Variants in MRPS11 observed in about 807,000 individuals in gnomAD.
MRPS11 encodes the protein small ribosomal subunit protein uS11m.
A neutral mutation model predicts 24.3 loss-of-function variants in MRPS11; 27 were observed. The ratio of observed to expected loss-of-function variants is 1.11; its 90% confidence interval spans 0.82 to 1.53. MRPS11 has a LOEUF of 1.53. Ranked by LOEUF, MRPS11 falls within the 40% of genes most tolerant of loss-of-function variation. The pLI is 0.00. For missense variants in MRPS11, 277 were observed against 256.5 expected (o/e 1.08, Z -0.55); for synonymous variants, 104 against 98.7 (o/e 1.05, Z -0.32).
At chr15:88,476,889 T>C in intron 4 of MRPS11, 100 bp from the exon 5 acceptor site, 3 of 1,223,840 alleles carry the variant, frequency 2.5e-6, no homozygotes, top group Non-Finnish European at 3.5e-6. Context: ...TGGATGCCCT[T>C]TCCCTGAGCT....
rs1230767838 is a variant in MRPS11 at position 88,475,141 on chromosome 15, G to A, written c.313G>A (p.Glu105Lys). The stretch of plus-strand genomic sequence containing the variant: ...GATCCAGGTAGTCTCTGCTAGTAAT[G>A]AGCCCCTTGCCTTTGCTTCCTGTGG... ...TQIQVVSASNEPLAFASCGTE... is the reference protein window; with the variant it reads ...TQIQVVSASNKPLAFASCGTE... The change falls in exon 4 of 6, where the codon GAG becomes AAG. Residue 105 changes from glutamate (E) to lysine (K), a missense_variant. Glu to Lys is a moderately conservative substitution (Grantham distance 56, BLOSUM62 1). Transcript: ENST00000325844. This position sits in a 1 kb window ranked among gnomAD's most constrained non-coding sequence, Gnocchi z 4.1. 8.1e-6 allele frequency: 13 copies of A among 1,614,204 alleles called. No homozygotes were observed. The highest frequency in any genetic ancestry group is 1.1e-5 in the Non-Finnish European group (13 of 1,180,040).
In MRPS11 at chr15:88,472,700, G is replaced by C. The variant is rs2055740382; in HGVS notation, c.256G>C (p.Ala86Pro). 2 of 1,613,782 alleles carry C rather than the reference G, an allele frequency of 1.2e-6. No homozygotes were observed. Among genetic ancestry groups the C allele is most frequent in the Non-Finnish European group, 1.7e-6 (2 of 1,179,872 alleles). Residue 86 changes from alanine to proline, a missense_variant, in exon 3 of 6, where the codon GCA (alanine) becomes CCA (proline). Transcript: ENST00000325844. Reference sequence around the variant, plus strand: ...AAAGAAATTTGAGGAGATCCCAATTGCACACATTAAAGCATCCCACAACAA... The same window carrying C: ...AAAGAAATTTGAGGAGATCCCAATTCCACACATTAAAGCATCCCACAACAA... ...AGKKFEEIPI[A>P]HIKASHNNTQ...
chr15:88,474,777 C>G (rs1342214583), intron 3 of MRPS11, among the ~76,000 whole-genome samples: 2 of 152,156 alleles, frequency 1.3e-5, no homozygotes, highest in Non-Finnish European at 2.9e-5. Flanking sequence ...ATGAGTCCAT[C>G]AGATTTCTTA....
At chr15:88,471,761 G>A (rs566411383) in intron 2 of MRPS11, among the ~76,000 whole-genome samples, 170 of 152,338 alleles carry the variant, frequency 1.1e-3, no homozygotes, top group Non-Finnish European at 3.1e-4. Context: ...ATAGCCAGAA[G>A]ACAGCTTGGA....
At position 88,472,619 on chromosome 15, in the gene MRPS11, A is replaced by G. The variant is rs776038869; in HGVS notation, c.183-8A>G. 1 of 1,605,184 alleles carries G rather than the reference A, an allele frequency of 6.2e-7. No individual in the cohort carries two copies. Among genetic ancestry groups the G allele is most frequent in the Non-Finnish European group, 8.5e-7 (1 of 1,173,862 alleles). On this transcript the variant is annotated splice_polypyrimidine_tract_variant and splice_region_variant and intron_variant, in intron 2 of 5. Transcript: ENST00000325844. ...CAATTTTAAATAAAATCTTTCTTCT[A>G]ATTGCAGCATTTACCCTCCCATTCC...
At chr15:88,472,466 C>T in intron 2 of MRPS11, 161 bp from the exon 3 acceptor site, 2 of 597,082 alleles carry the variant, frequency 3.3e-6, no homozygotes, top group Non-Finnish European at 6.0e-6. Flanking sequence ...AGCAGTCACA[C>T]ATGCGGTGGT....
chr15:88,469,218 G>C lies in MRPS11; in HGVS notation c.182+1194G>C, dbSNP rs1462046984. On this transcript the variant is annotated intron_variant, in intron 2 of 5. Transcript: ENST00000325844. The surrounding 1 kb of genome is among the most constrained non-coding windows in gnomAD (Gnocchi z 4.4). ...CAGGTGTGTATGTGATGGCAGATGAGGCCAACAAGACAAGAAGGCATCAGA... is the reference window on the plus strand; with the variant it reads ...CAGGTGTGTATGTGATGGCAGATGACGCCAACAAGACAAGAAGGCATCAGA... 1.3e-5 allele frequency: 2 copies of C among 152,120 alleles called. No homozygotes were observed. Among genetic ancestry groups the C allele is most frequent in the Non-Finnish European group, 2.9e-5 (2 of 68,022 alleles). The allele number at this position is 152,120 out of a possible 1,614,324, so 9.4% of individuals were successfully genotyped here.
chr15:88,474,957 T>C lies in MRPS11; in HGVS notation c.282-153T>C, dbSNP rs1049762561. On this transcript the variant is annotated intron_variant, in intron 3 of 5. Transcript: ENST00000325844. ...TTCTGACCTTTCCTGATACTTCCTG[T>C]AGGAGTTCAAAACATGTTCATCTGA... The C allele has an allele frequency of 6.0e-6, 5 of 828,704 alleles. No individual in the cohort carries two copies. The African/African-American group carries it at 8.6e-5, about 14-fold the overall frequency. The allele number at this position is 828,704 out of a possible 1,614,324, so 51.3% of individuals were successfully genotyped here. A position where few individuals can be genotyped will look rare whatever the true frequency, so the allele number is the denominator to read the frequency against.
rs1008845433 is a variant in MRPS11 at position 88,477,703 on chromosome 15, C to T, written c.478-169C>T. ...CTGGTTAAAGGGTTTGGGTGGAGACCTTTGTGAGAGTAGAATAGGATTGGG... is the reference window on the plus strand; with the variant it reads ...CTGGTTAAAGGGTTTGGGTGGAGACTTTTGTGAGAGTAGAATAGGATTGGG... On this transcript the variant is annotated intron_variant, in intron 5 of 5. Coordinates refer to ENST00000325844, the MANE Select transcript of MRPS11 (RefSeq NM_022839.5). The surrounding 1 kb of genome is among the most constrained non-coding windows in gnomAD (Gnocchi z 5.7). Among the ~76,000 whole-genome samples, 1 of 152,112 alleles carries T rather than the reference C, an allele frequency of 6.6e-6. No individual in the cohort carries two copies. Among genetic ancestry groups the T allele is most frequent in the African/African-American group, 2.4e-5 (1 of 41,408 alleles).
chr15:88,468,298 GTTCTT>G (rs2055599241), intron 2 of MRPS11: 4 of 1,231,622 alleles, frequency 3.2e-6, no homozygotes, highest in Middle Eastern at 3.4e-4. Context: ...ATGTATCAGC[GTTCTT>G]TTCTTCTGAG....
At chr15:88,471,365 C>T (rs980424945) in intron 2 of MRPS11, among the ~76,000 whole-genome samples, 1 of 152,054 alleles carries the variant, frequency 6.6e-6, no homozygotes, top group East Asian at 1.9e-4. Context: ...AGGGCTGGGG[C>T]GAGAGTAGTC....
intron 3 of MRPS11, among the ~76,000 whole-genome samples, chr15:88,473,979 C>T (rs1338132891): frequency 6.6e-6 from 1 of 152,164 alleles, no homozygotes; most frequent in Non-Finnish European, 1.5e-5. Context: ...GAATTTAAGA[C>T]CAGCCTGGGC....
At position 88,469,510 on chromosome 15, in the gene MRPS11, G is replaced by T. The variant is rs1269028953; in HGVS notation, c.182+1486G>T. 1.3e-5 allele frequency among the ~76,000 whole-genome samples: 2 copies of T among 152,208 alleles called. No individual in the cohort carries two copies. The highest frequency in any genetic ancestry group is 1.3e-4 in the Admixed American group (2 of 15,290). ...TAACGGTTGGAAAGGGGAAGTGGGG[G>T]TCAAGCAGGCCTGCATAGCCACATT... On this transcript the variant is annotated intron_variant, in intron 2 of 5. Transcript: ENST00000325844. The surrounding 1 kb of genome is among the most constrained non-coding windows in gnomAD (Gnocchi z 4.4).
chr15:88,468,973 G>C lies in MRPS11; in HGVS notation c.182+949G>C, dbSNP rs1021459537. The C allele has an allele frequency of 2.7e-5, 4 of 148,618 alleles. No homozygotes were observed. The Admixed American group carries it at 2.7e-4, about 10-fold the overall frequency. The allele number at this position is 148,618 out of a possible 1,614,324, so 9.2% of individuals were successfully genotyped here. On this transcript the variant is annotated intron_variant, in intron 2 of 5. Coordinates refer to ENST00000325844, the MANE Select transcript of MRPS11 (RefSeq NM_022839.5). ...TGCAGTGAGCCAAGATCACGCCACT[G>C]TACTCCAGCCTGGGTGACAGATTGA...
At chr15:88,476,890 T>G (rs2055833210) in intron 4 of MRPS11, 99 bp from the exon 5 acceptor site, 1 of 1,232,338 alleles carries the variant, frequency 8.1e-7, no homozygotes, top group Admixed American at 2.0e-5. Flanking sequence ...GGATGCCCTT[T>G]CCCTGAGCTC....
In MRPS11 at chr15:88,478,949, A is replaced by C. The variant is rs1283651953; in HGVS notation, c.*970A>C. 1 of 152,134 alleles carries C rather than the reference A, an allele frequency of 6.6e-6. No homozygotes were observed. Among genetic ancestry groups the C allele is most frequent in the African/African-American group, 2.4e-5 (1 of 41,426 alleles). The allele number at this position is 152,134 out of a possible 1,614,324, so 9.4% of individuals were successfully genotyped here. On this transcript the variant is annotated 3_prime_UTR_variant, in exon 6 of 6. Coordinates refer to ENST00000325844, the MANE Select transcript of MRPS11 (RefSeq NM_022839.5). This position sits in a 1 kb window ranked among gnomAD's most constrained non-coding sequence, Gnocchi z 4.7. ...GGCTGCAGTGAGCTGAGATCATCCT[A>C]CTGCACTCCAGCCCAGGTGACAGCG...
At position 88,477,784 on chromosome 15, in the gene MRPS11, AC is replaced by A. The variant is rs1226027349; in HGVS notation, c.478-85del. 3 of 1,145,294 alleles carry A rather than the reference AC, an allele frequency of 2.6e-6. No individual in the cohort carries two copies. In the African/African-American group the frequency reaches 4.6e-5, roughly 18 times the overall value. The allele number at this position is 1,145,294 out of a possible 1,614,324, so 70.9% of individuals were successfully genotyped here. The stretch of plus-strand genomic sequence containing the variant: ...ACCCCTCCGTTCCCTTCTCTACGCC[AC>A]CCTGTCCCTCTCCGAACCCTGCCTG... On this transcript the variant is annotated intron_variant, in intron 5 of 5. Coordinates refer to ENST00000325844, the MANE Select transcript of MRPS11 (RefSeq NM_022839.5). The surrounding 1 kb of genome is among the most constrained non-coding windows in gnomAD (Gnocchi z 5.7).
At chr15:88,471,873 G>A (rs994530028) in intron 2 of MRPS11, among the ~76,000 whole-genome samples, 1 of 152,200 alleles carries the variant, frequency 6.6e-6, no homozygotes, top group African/African-American at 2.4e-5. Flanking sequence ...GAAGTCCAGG[G>A]TGAAGCTTAA....
Position 88,479,463 on chromosome 15 carries a change from A to T in MRPS11, c.*1484A>T, listed in dbSNP as rs2055889441. 1 of 152,240 alleles carries T rather than the reference A, an allele frequency of 6.6e-6. No individual in the cohort carries two copies. Among genetic ancestry groups the T allele is most frequent in the African/African-American group, 2.4e-5 (1 of 41,468 alleles). 9.4% of individuals were successfully genotyped at this position (152,240 alleles called of 1,614,324 possible). ...GAACTCAGTATAGGAAAAGACACAG[A>T]TGCCCCCTTAAATAGGCAAGAGGCT... On this transcript the variant is annotated 3_prime_UTR_variant, in exon 6 of 6. Transcript: ENST00000325844.
Sources: gnomAD v4.1 joint callset for allele counts (sites outside exome capture counted in the v4.1 genomes callset) on GRCh38, gnomAD v4.1.1 for gene constraint, Gnocchi (gnomAD v3.1) non-coding constraint, MANE v1.5 for transcripts, NCBI Gene and HGNC (gene_info 2026-07-23, HGNC 2026-07-21) for gene names.